CHN2: variants seen among roughly 807,000 people sequenced by gnomAD.
The protein encoded by CHN2 is beta-chimaerin.
Under a neutral mutation model 56.3 loss-of-function variants are expected in CHN2, and 35 were observed. That is an observed-to-expected ratio of 0.62 (90% CI 0.47 to 0.82). The LOEUF is 0.82. Ranked by LOEUF, CHN2 falls within the 40% of genes least tolerant of loss-of-function variation. CHN2 has a pLI of 0.00. For missense variants in CHN2, 491 were observed against 580.5 expected (o/e 0.85, Z 1.58); for synonymous variants, 210 against 212.8 (o/e 0.99, Z 0.12).
intron 6 of CHN2, among the ~76,000 whole-genome samples, chr7:29,440,602 T>C (rs978175309): frequency 3.3e-5 from 5 of 149,486 alleles, no homozygotes; most frequent in African/African-American, 1.2e-4. Flanking sequence ...GGAGAATCTC[T>C]TGAACCCAGG....
intron 1 of CHN2, among the ~76,000 whole-genome samples, chr7:29,339,751 G>A (rs778425625): frequency 6.6e-6 from 1 of 151,990 alleles, no homozygotes; most frequent in African/African-American, 2.4e-5. Flanking sequence ...TACTTGGGAG[G>A]CTAAGGCAGG....
chr7:29,485,397 G>T (rs2270311), intron 7 of CHN2, among the ~76,000 whole-genome samples: 38,976 of 152,060 alleles, frequency 0.26, 5,529 homozygotes, highest in East Asian at 0.37. Flanking sequence ...GGTCACATGC[G>T]CCCTGAAGCT....
chr7:29,436,169 G>T (rs1031763652), intron 6 of CHN2, among the ~76,000 whole-genome samples: 2 of 152,020 alleles, frequency 1.3e-5, no homozygotes, highest in African/African-American at 4.8e-5. Flanking sequence ...GGGATCTCCT[G>T]AAAGGGCATA....
intron 1 of CHN2, among the ~76,000 whole-genome samples, chr7:29,271,597 T>G (rs1390381081): frequency 1.3e-5 from 2 of 152,200 alleles, no homozygotes; most frequent in Non-Finnish European, 2.9e-5. Flanking sequence ...CTGTTCAGGT[T>G]GAAAATTGAG....
intron 1 of CHN2, among the ~76,000 whole-genome samples, chr7:29,273,822 T>A (rs1287799016): frequency 6.6e-6 from 1 of 152,208 alleles, no homozygotes; most frequent in Non-Finnish European, 1.5e-5. Context: ...CTACATTCAG[T>A]CTGTTGCCAT....
chr7:29,408,080 C>T (rs1208193392), intron 6 of CHN2, among the ~76,000 whole-genome samples: 1 of 152,012 alleles, frequency 6.6e-6, no homozygotes, highest in Admixed American at 6.5e-5. Context: ...ATCCCAGCTA[C>T]TCTGGAGGCT....
At chr7:29,298,203 G>A (rs1452014604) in intron 1 of CHN2, among the ~76,000 whole-genome samples, 1 of 152,184 alleles carries the variant, frequency 6.6e-6, no homozygotes, top group Non-Finnish European at 1.5e-5. Flanking sequence ...GCCATAGATA[G>A]TAGCACCACC....
intron 6 of CHN2, among the ~76,000 whole-genome samples, chr7:29,463,529 G>A (rs952320251): frequency 1.3e-5 from 2 of 152,330 alleles, no homozygotes; most frequent in South Asian, 2.1e-4. Flanking sequence ...ATGGGTAAAA[G>A]GGCAGTTTCC....
At chr7:29,274,676 G>A (rs1343096832) in intron 1 of CHN2, among the ~76,000 whole-genome samples, 5 of 152,128 alleles carry the variant, frequency 3.3e-5, no homozygotes, top group Admixed American at 2.0e-4. Flanking sequence ...TGAGTTCTGC[G>A]GCCAAAGTGC....
At chr7:29,286,440 G>A (rs1393074574) in intron 1 of CHN2, among the ~76,000 whole-genome samples, 2 of 151,526 alleles carry the variant, frequency 1.3e-5, no homozygotes, top group East Asian at 1.9e-4. Context: ...GGGTCTGCAT[G>A]TGGGGATGGG....
chr7:29,437,470 C>T (rs376961687), intron 6 of CHN2, among the ~76,000 whole-genome samples: 7,591 of 130,392 alleles, frequency 0.058, 1,004 homozygotes, highest in East Asian at 0.26. Flanking sequence ...TGGTGGCGGG[C>T]GCCTGTAGTC....
chr7:29,320,511 G>A (rs1452467328), intron 1 of CHN2, among the ~76,000 whole-genome samples: 3 of 152,220 alleles, frequency 2.0e-5, no homozygotes, highest in Non-Finnish European at 2.9e-5. Context: ...TCTCTTTATG[G>A]AAAGAGAGAA....
At chr7:29,447,667 G>A (rs1784123913) in intron 6 of CHN2, among the ~76,000 whole-genome samples, 1 of 152,164 alleles carries the variant, frequency 6.6e-6, no homozygotes, top group South Asian at 2.1e-4. Context: ...GGAGGGAGGG[G>A]TTTCAAAGGA....
intron 1 of CHN2, among the ~76,000 whole-genome samples, chr7:29,296,901 A>G (rs1314668092): frequency 6.6e-6 from 1 of 152,202 alleles, no homozygotes; most frequent in African/African-American, 2.4e-5. Context: ...ACTTACCTCT[A>G]TGACAGGATC....
At chr7:29,325,964 A>G (rs769231129) in intron 1 of CHN2, among the ~76,000 whole-genome samples, 22 of 152,306 alleles carry the variant, frequency 1.4e-4, no homozygotes, top group East Asian at 3.9e-4. Context: ...TCTCTATAAC[A>G]TGAGAACATT....
chr7:29,509,484 TC>T, intron 12 of CHN2, 78 bp downstream of exon 12: 2 of 1,082,362 alleles, frequency 1.8e-6, no homozygotes, highest in Admixed American at 1.9e-5. Flanking sequence ...ACGGCATTCC[TC>T]CCCAGCCATA....
intron 2 of CHN2, among the ~76,000 whole-genome samples, chr7:29,367,611 T>C (rs1799265457): frequency 6.6e-6 from 1 of 152,188 alleles, no homozygotes; most frequent in Non-Finnish European, 1.5e-5. Flanking sequence ...GAATTTCATC[T>C]TTAAAATAGT....
chr7:29,335,497 A>T (rs1245640818), intron 1 of CHN2, among the ~76,000 whole-genome samples: 1 of 152,250 alleles, frequency 6.6e-6, no homozygotes, highest in African/African-American at 2.4e-5. Context: ...AGGACCTTTC[A>T]GTATGTTATT....
At position 29,353,069 on chromosome 7, in the gene CHN2, G is replaced by A. The variant is rs186358802; in HGVS notation, c.50-1556G>A. On this transcript the variant is annotated intron_variant, in intron 1 of 12. Coordinates refer to ENST00000222792, the MANE Select transcript of CHN2 (RefSeq NM_004067.4). ...GTAAACCATCACTAACGCACTGACT[G>A]TGTGTGTGCCTAGGTGGCTGACTAT... is the stretch of plus-strand genomic sequence containing the variant. Among the ~76,000 whole-genome samples the A allele has an allele frequency of 7.9e-4, 120 of 152,316 alleles. 1 individual carries two copies. Among genetic ancestry groups the A allele is most frequent in the African/African-American group, 2.7e-3 (114 of 41,582 alleles).
Sources: gnomAD v4.1 joint callset for allele counts (sites outside exome capture counted in the v4.1 genomes callset) on GRCh38, gnomAD v4.1.1 for gene constraint, MANE v1.5 for transcripts, NCBI Gene and HGNC (gene_info 2026-07-23, HGNC 2026-07-21) for gene names.